The following TMTC1 variants were observed in gnomAD, a reference collection of about 807,000 sequenced individuals.
The protein encoded by TMTC1 is transmembrane O-mannosyltransferase targeting cadherins 1.
A neutral mutation model predicts 104.8 loss-of-function variants in TMTC1; 73 were observed. That is an observed-to-expected ratio of 0.70 (90% CI 0.58 to 0.85). The LOEUF (loss-of-function observed/expected upper bound fraction) is 0.85, where lower values mean the gene tolerates loss of function less well. Among genes scored for constraint, TMTC1 ranks in the 40% least tolerant of loss-of-function variants. TMTC1 has a pLI of 0.00. For missense variants in TMTC1, 1,035 were observed against 1,096.1 expected, an observed-to-expected ratio of 0.94 and a Z score of 0.79; for synonymous variants, 434 against 428.7, an observed-to-expected ratio of 1.01 and a Z score of -0.15.
At chr12:29,662,666 C>CAAAAAA (rs35610791) in intron 5 of TMTC1, among the ~76,000 whole-genome samples, 86 of 86,596 alleles carry the variant, frequency 9.9e-4, no homozygotes, top group Non-Finnish European at 1.8e-3. Context: ...GACTCCGTCT[C>CAAAAAA]AAAAAAAAAA....
chr12:29,554,006 C>CTA (rs1945173138), intron 10 of TMTC1, among the ~76,000 whole-genome samples: 3 of 152,232 alleles, frequency 2.0e-5, no homozygotes, highest in African/African-American at 7.2e-5. Context: ...AAATACTCAT[C>CTA]TATATGATTT....
At chr12:29,561,510 G>A (rs1366973009) in intron 9 of TMTC1, among the ~76,000 whole-genome samples, 2 of 152,080 alleles carry the variant, frequency 1.3e-5, no homozygotes, top group East Asian at 3.9e-4. Flanking sequence ...ACAGTACTAT[G>A]GAAAGCTATT....
chr12:29,633,420 T>C (rs1351086185), intron 5 of TMTC1, 84 bp from the exon 6 acceptor site: 1 of 1,135,800 alleles, frequency 8.8e-7, no homozygotes, highest in Non-Finnish European at 1.2e-6. Flanking sequence ...TTTTATTAAA[T>C]AGCATTTCTA....
chr12:29,649,117 C>T (rs113690104), intron 5 of TMTC1, among the ~76,000 whole-genome samples: 2,286 of 152,212 alleles, frequency 0.015, 55 homozygotes, highest in African/African-American at 0.053. Context: ...CTGCAGCCCC[C>T]CTCCACTCTC....
intron 5 of TMTC1, among the ~76,000 whole-genome samples, chr12:29,722,608 A>C (rs774605052): frequency 1.2e-4 from 19 of 152,146 alleles, no homozygotes; most frequent in Admixed American, 6.5e-4. Flanking sequence ...AAAAGATTCT[A>C]TTCATGAACT....
intron 6 of TMTC1, among the ~76,000 whole-genome samples, chr12:29,620,893 TC>T (rs1937640758): frequency 6.6e-6 from 1 of 152,174 alleles, no homozygotes; most frequent in Admixed American, 6.5e-5. Flanking sequence ...GAACAGCATC[TC>T]ATACAATGGC....
At chr12:29,547,791 T>C (rs2136232579) in intron 10 of TMTC1, among the ~76,000 whole-genome samples, 1 of 152,308 alleles carries the variant, frequency 6.6e-6, no homozygotes, top group South Asian at 2.1e-4. Flanking sequence ...ACGCAATGGA[T>C]ATGAAGTGAA....
intron 5 of TMTC1, among the ~76,000 whole-genome samples, chr12:29,697,618 G>A (rs545038535): frequency 1.4e-4 from 21 of 152,314 alleles, no homozygotes; most frequent in Non-Finnish European, 2.4e-4. Context: ...GGCTGATCTC[G>A]CTCCAGGAGA....
intron 8 of TMTC1, among the ~76,000 whole-genome samples, chr12:29,582,116 G>A (rs547487744): frequency 2.3e-4 from 35 of 152,320 alleles, no homozygotes; most frequent in African/African-American, 8.2e-4. Flanking sequence ...GGACATGCAT[G>A]CCAGACTGAC....
chr12:29,613,624 G>T (rs1946903628), intron 6 of TMTC1, among the ~76,000 whole-genome samples: 1 of 152,182 alleles, frequency 6.6e-6, no homozygotes, highest in Admixed American at 6.5e-5. Context: ...TAAGAACCAA[G>T]ATGGATTTAA....
At chr12:29,782,679 C>T (rs1943861002) in intron 1 of TMTC1, 1 of 152,210 alleles carries the variant, frequency 6.6e-6, no homozygotes, top group Non-Finnish European at 1.5e-5. Flanking sequence ...CCCTCAAAAA[C>T]CTGGCATATT....
At position 29,686,690 on chromosome 12, in the gene TMTC1, G is replaced by A. The variant is rs112569653; in HGVS notation, c.939-53354C>T. On this transcript the variant is annotated intron_variant, in intron 5 of 17. Coordinates refer to ENST00000539277, the MANE Select transcript of TMTC1 (RefSeq NM_001193451.2). Reference sequence around the variant, plus strand: ...ATCAAGCTATCTCACCCTGGACTGGGCTTTTCTCAATTTCAACTCACCACT... The same window carrying A: ...ATCAAGCTATCTCACCCTGGACTGGACTTTTCTCAATTTCAACTCACCACT... Among the ~76,000 whole-genome samples, 18 of 152,228 alleles carry A rather than the reference G, an allele frequency of 1.2e-4. 2 individuals carry two copies. The highest frequency in any genetic ancestry group is 4.3e-4 in the African/African-American group (18 of 41,538).
intron 10 of TMTC1, among the ~76,000 whole-genome samples, chr12:29,538,867 G>A (rs1944717199): frequency 6.6e-6 from 1 of 152,132 alleles, no homozygotes; most frequent in Admixed American, 6.5e-5. Flanking sequence ...AAAGACTCTG[G>A]CAGAGAAGAC....
chr12:29,523,428 T>G (rs760908469), intron 11 of TMTC1, among the ~76,000 whole-genome samples: 1 of 152,224 alleles, frequency 6.6e-6, no homozygotes, highest in Non-Finnish European at 1.5e-5. Flanking sequence ...CAGCTGGCTG[T>G]CTTGATTGGC....
chr12:29,517,026 C>A (rs927029942), intron 14 of TMTC1, among the ~76,000 whole-genome samples: 4 of 152,044 alleles, frequency 2.6e-5, no homozygotes, highest in South Asian at 2.1e-4. Context: ...CCACATGGTT[C>A]AGGAAAAAAA....
intron 8 of TMTC1, among the ~76,000 whole-genome samples, chr12:29,578,975 C>T (rs1172981901): frequency 6.6e-6 from 1 of 152,168 alleles, no homozygotes; most frequent in Non-Finnish European, 1.5e-5. Flanking sequence ...GGATCACTTC[C>T]TTTAGTCCTT....
intron 7 of TMTC1, among the ~76,000 whole-genome samples, chr12:29,594,363 C>T (rs527967782): frequency 1.3e-5 from 2 of 152,358 alleles, no homozygotes; most frequent in Non-Finnish European, 2.9e-5. Context: ...CTCCTCTAGT[C>T]CCATGAATTA....
chr12:29,745,969 G>A (rs1415662937), intron 5 of TMTC1, among the ~76,000 whole-genome samples: 3 of 152,078 alleles, frequency 2.0e-5, no homozygotes, highest in Non-Finnish European at 4.4e-5. Context: ...GTGAAATGTG[G>A]ACCAGCTTAT....
At chr12:29,685,930 TA>T (rs74950953) in intron 5 of TMTC1, among the ~76,000 whole-genome samples, 7,131 of 129,156 alleles carry the variant, frequency 0.055, 200 homozygotes, top group African/African-American at 0.09. Flanking sequence ...GCAAGATTGT[TA>T]AAAAAAAAAA....
Sources: allele counts gnomAD v4.1 joint callset (sites outside exome capture counted in the v4.1 genomes callset), GRCh38; gene constraint gnomAD v4.1.1; transcripts MANE v1.5; gene names NCBI Gene and HGNC (gene_info 2026-07-23, HGNC 2026-07-21).